The following RBFOX3 variants were observed in gnomAD, a reference collection of about 807,000 sequenced individuals.
The protein encoded by RBFOX3 is RNA binding protein fox-1 homolog 3.
A neutral mutation model predicts 48.7 loss-of-function variants in RBFOX3; 17 were observed. That is an observed-to-expected ratio of 0.35 (90% CI 0.24 to 0.52). The LOEUF (loss-of-function observed/expected upper bound fraction) is 0.52. Ranked by LOEUF, RBFOX3 falls within the 20% of genes least tolerant of loss-of-function variation. The pLI is 0.94. For missense variants in RBFOX3, 382 were observed against 497.5 expected, an observed-to-expected ratio of 0.77 and a Z score of 2.21; for synonymous variants, 212 against 209.5, an observed-to-expected ratio of 1.01 and a Z score of -0.10.
intron 2 of RBFOX3, among the ~76,000 whole-genome samples, chr17:79,334,077 T>C (rs1412448756): frequency 1.3e-5 from 2 of 152,164 alleles, no homozygotes; most frequent in Non-Finnish European, 2.9e-5. Context: ...CTTGTTTCTG[T>C]TGCTTTTACC....
intron 4 of RBFOX3, among the ~76,000 whole-genome samples, chr17:79,134,741 C>T (rs1263568388): frequency 6.6e-6 from 1 of 152,296 alleles, no homozygotes; most frequent in East Asian, 1.9e-4. Flanking sequence ...GGGGAAGAGG[C>T]AGTTCCCCCC....
At chr17:79,430,516 AATAGTATGTGCTTT>A (rs560688342) in intron 2 of RBFOX3, among the ~76,000 whole-genome samples, 107 of 152,284 alleles carry the variant, frequency 7.0e-4, no homozygotes, top group African/African-American at 2.5e-3. Flanking sequence ...CTAAAGTATA[AATAGTATGTGCTTT>A]ATACTGTGCT....
chr17:79,398,383 C>T (rs1270195326), intron 2 of RBFOX3, among the ~76,000 whole-genome samples: 1 of 152,110 alleles, frequency 6.6e-6, no homozygotes, highest in South Asian at 2.1e-4. Flanking sequence ...ATGTGGGGAC[C>T]CACTATGGGA....
intron 1 of RBFOX3, among the ~76,000 whole-genome samples, chr17:79,505,662 G>T (rs1555778512): frequency 6.6e-6 from 1 of 152,228 alleles, no homozygotes; most frequent in East Asian, 1.9e-4. Context: ...AAGCAGAGGT[G>T]TATGAGCCTG....
At chr17:79,372,351 T>C (rs1334887467) in intron 2 of RBFOX3, among the ~76,000 whole-genome samples, 2 of 113,148 alleles carry the variant, frequency 1.8e-5, no homozygotes, top group Non-Finnish European at 3.4e-5. Context: ...TCCTCCCAGG[T>C]CCTACAGGCC....
At chr17:79,388,897 G>T (rs2060954517) in intron 2 of RBFOX3, among the ~76,000 whole-genome samples, 2 of 152,222 alleles carry the variant, frequency 1.3e-5, no homozygotes, top group Non-Finnish European at 2.9e-5. Context: ...TCTCCCAGCG[G>T]CAGGGAACAG....
intron 4 of RBFOX3, among the ~76,000 whole-genome samples, chr17:79,217,980 C>CGGGGCT (rs1226389134): frequency 2.0e-5 from 3 of 151,478 alleles, no homozygotes; most frequent in South Asian, 4.2e-4. Flanking sequence ...TCGGGGCAGG[C>CGGGGCT]GGGGCTGGGG....
chr17:79,449,745 C>T (rs1186459758), intron 2 of RBFOX3, among the ~76,000 whole-genome samples: 4 of 151,870 alleles, frequency 2.6e-5, no homozygotes, highest in East Asian at 3.9e-4. Flanking sequence ...GCTCTGGGGG[C>T]GCACATACAT....
Position 79,110,398 on chromosome 17 carries a change from G to A in RBFOX3, c.223-3610C>T, listed in dbSNP as rs528591128. Among the ~76,000 whole-genome samples, 8 of 152,234 alleles carry A rather than the reference G, an allele frequency of 5.3e-5. No homozygotes were observed. The South Asian group carries it at 1.5e-3, about 28-fold the overall frequency. ...CTGGGGCCCCCAAGCTTGGCACGGA[G>A]ACAGACAAAGGGAATGAGCCCCAGG... On this transcript the variant is annotated intron_variant, in intron 5 of 14. Transcript: ENST00000693108.
chr17:79,389,237 T>C (rs2061005114), intron 2 of RBFOX3, among the ~76,000 whole-genome samples: 1 of 152,106 alleles, frequency 6.6e-6, no homozygotes, highest in Non-Finnish European at 1.5e-5. Flanking sequence ...CCCTTTGGTG[T>C]GCAACGAGAG....
At position 79,421,257 on chromosome 17, in the gene RBFOX3, C is replaced by G. The variant is rs1397255852; in HGVS notation, c.-175+61197G>C. Among the ~76,000 whole-genome samples the G allele has an allele frequency of 6.6e-6, 1 of 152,206 alleles. No homozygotes were observed. The highest frequency in any genetic ancestry group is 1.5e-5 in the Non-Finnish European group (1 of 68,034). ...CTGTGTCTTTTAGCTGTAATGAACCCTGAGCGTGAGAACCATGACTGCTGG... is the reference window on the plus strand; with the variant it reads ...CTGTGTCTTTTAGCTGTAATGAACCGTGAGCGTGAGAACCATGACTGCTGG... On this transcript the variant is annotated intron_variant, in intron 2 of 14. Transcript: ENST00000693108. This position sits in a 1 kb window ranked among gnomAD's most constrained non-coding sequence, Gnocchi z 4.5.
chr17:79,249,127 A>G lies in RBFOX3; in HGVS notation c.-73-13322T>C, dbSNP rs2063579647. Among the ~76,000 whole-genome samples the G allele has an allele frequency of 1.3e-5, 2 of 152,174 alleles. No individual in the cohort carries two copies. Among genetic ancestry groups the G allele is most frequent in the Non-Finnish European group, 2.9e-5 (2 of 68,038 alleles). On this transcript the variant is annotated intron_variant, in intron 3 of 14. Transcript: ENST00000693108. This position sits in a 1 kb window ranked among gnomAD's most constrained non-coding sequence, Gnocchi z 4.1. The stretch of plus-strand genomic sequence containing the variant: ...CTGACAAAGGACTCCTGAGGCCACT[A>G]ACCCTTCCAAGCCCTGCAAAACCAT...
At chr17:79,135,771 TGCTGTGGCTAAG>T (rs1416151788) in intron 4 of RBFOX3, among the ~76,000 whole-genome samples, 1 of 152,202 alleles carries the variant, frequency 6.6e-6, no homozygotes, top group Non-Finnish European at 1.5e-5. Flanking sequence ...CTGCCCCCTC[TGCTGTGGCTAAG>T]ACAGCAGCCA....
intron 3 of RBFOX3, among the ~76,000 whole-genome samples, chr17:79,276,493 C>G (rs1600365330): frequency 6.6e-6 from 1 of 152,254 alleles, no homozygotes; most frequent in East Asian, 1.9e-4. Context: ...CGAGACCAGC[C>G]TGTGCAACAT....
the RBFOX3 span, among the ~76,000 whole-genome samples, chr17:79,664,071 A>T: frequency 2.0e-5 from 3 of 152,204 alleles, no homozygotes; most frequent in African/African-American, 7.2e-5. Flanking sequence ...CACTACTGGA[A>T]ACACCTCTGC....
the RBFOX3 span, among the ~76,000 whole-genome samples, chr17:79,631,745 G>A: frequency 2.0e-5 from 3 of 152,320 alleles, no homozygotes; most frequent in East Asian, 1.9e-4. Context: ...CCAGAAGATG[G>A]AGAAATGATG....
intron 2 of RBFOX3, among the ~76,000 whole-genome samples, chr17:79,320,866 G>A (rs1026870319): frequency 3.3e-5 from 5 of 152,266 alleles, no homozygotes; most frequent in African/African-American, 9.6e-5. Flanking sequence ...TGTCACCATC[G>A]CTAACAGGTA....
chr17:79,201,749 AG>A (rs1246377279), intron 4 of RBFOX3, among the ~76,000 whole-genome samples: 4 of 152,130 alleles, frequency 2.6e-5, no homozygotes, highest in African/African-American at 9.7e-5. Context: ...GCTCACACAC[AG>A]CACCCCCTGC....
At chr17:79,554,034 G>A (rs1261771372) in intron 1 of RBFOX3, among the ~76,000 whole-genome samples, 2 of 152,126 alleles carry the variant, frequency 1.3e-5, no homozygotes, top group African/African-American at 4.8e-5. Flanking sequence ...GTGCCTGGCT[G>A]CTTTCTTGAC....
Sources: gnomAD v4.1 joint callset for allele counts (sites outside exome capture counted in the v4.1 genomes callset) on GRCh38, gnomAD v4.1.1 for gene constraint, Gnocchi (gnomAD v3.1) non-coding constraint, MANE v1.5 for transcripts, NCBI Gene and HGNC (gene_info 2026-07-23, HGNC 2026-07-21) for gene names.